The following ALK variants were observed in gnomAD, a reference collection of about 807,000 sequenced individuals.
The protein encoded by ALK is ALK tyrosine kinase receptor.
ALK carries 74 observed loss-of-function variants against 163.1 expected under a neutral mutation model. The ratio of observed to expected loss-of-function variants is 0.45; its 90% CI spans 0.38 to 0.55. The LOEUF (loss-of-function observed/expected upper bound fraction) is 0.55, where lower values mean the gene tolerates loss of function less well. Ranked by LOEUF, ALK falls within the 20% of genes least tolerant of loss-of-function variation. ALK has a pLI of 0.00. For synonymous variants in ALK, 960 were observed against 843.2 expected (o/e 1.14, Z -2.40); for missense variants, 2,063 against 2,105.3 (o/e 0.98, Z 0.39).
At chr2:29,375,873 A>C (rs1321328193) in intron 5 of ALK, among the ~76,000 whole-genome samples, 1 of 152,202 alleles carries the variant, frequency 6.6e-6, no homozygotes, top group Non-Finnish European at 1.5e-5. Flanking sequence ...GAGGAGGAGC[A>C]CTGCCATCTT....
intron 1 of ALK, among the ~76,000 whole-genome samples, chr2:29,816,887 T>G (rs1664912318): frequency 6.6e-6 from 1 of 152,154 alleles, no homozygotes; most frequent in Non-Finnish European, 1.5e-5. Context: ...TGGGAGCTCA[T>G]GAATAAAGGC....
chr2:29,581,795 T>C (rs917273392), intron 3 of ALK, among the ~76,000 whole-genome samples: 2 of 152,194 alleles, frequency 1.3e-5, no homozygotes, highest in Admixed American at 6.5e-5. Context: ...TCTTTCCAAA[T>C]TGGAAAGACT....
chr2:29,209,100 A>G (rs534885337), intron 25 of ALK, among the ~76,000 whole-genome samples: 13 of 149,558 alleles, frequency 8.7e-5, no homozygotes, highest in Non-Finnish European at 1.9e-4. Context: ...GTTAGAAGCC[A>G]TAGCCACTTA....
chr2:29,247,138 C>T (rs989979660), intron 12 of ALK, among the ~76,000 whole-genome samples: 1 of 152,022 alleles, frequency 6.6e-6, no homozygotes, highest in African/African-American at 2.4e-5. Flanking sequence ...CGCGGCAGCG[C>T]CTTTTACCCC....
chr2:29,387,363 G>C (rs1364430526), intron 4 of ALK, among the ~76,000 whole-genome samples: 1 of 152,176 alleles, frequency 6.6e-6, no homozygotes, highest in Admixed American at 6.6e-5. Context: ...ACACGGACCA[G>C]CCATTTTTGC....
chr2:29,246,894 G>A lies in ALK; in HGVS notation c.2204+4211C>T, dbSNP rs891196324. On this transcript the variant is annotated intron_variant, in intron 12 of 28. Transcript: ENST00000389048. The surrounding 1 kb of genome is among the most constrained non-coding windows in gnomAD (Gnocchi z 4.3). ...ACCAGGGGGAGCGAGAGGCCTTTTG[G>A]GGGGTAACACTGCAGCCCCAGGACC... Among the ~76,000 whole-genome samples, 14 of 152,254 alleles carry A rather than the reference G, an allele frequency of 9.2e-5. No homozygotes were observed. In the East Asian group the frequency reaches 2.7e-3, roughly 29 times the overall value.
intron 1 of ALK, among the ~76,000 whole-genome samples, chr2:29,874,104 G>C (rs1423118733): frequency 6.6e-6 from 1 of 152,144 alleles, no homozygotes; most frequent in Admixed American, 6.5e-5. Flanking sequence ...CAATGCACTG[G>C]AATGTATGGA....
At chr2:29,201,607 T>C (rs925025775) in intron 26 of ALK, among the ~76,000 whole-genome samples, 1 of 151,974 alleles carries the variant, frequency 6.6e-6, no homozygotes, top group African/African-American at 2.4e-5. Context: ...GCCAACGTGG[T>C]GAAATCCCGT....
intron 1 of ALK, among the ~76,000 whole-genome samples, chr2:29,785,914 C>T (rs555465040): frequency 0.064 from 114 of 1,794 alleles, no homozygotes; most frequent in African/African-American, 0.071. Context: ...TTTGAGTATA[C>T]ACACACACAC....
intron 24 of ALK, 93 bp from the exon 25 acceptor site, chr2:29,209,971 T>A: frequency 1.0e-6 from 1 of 979,694 alleles, no homozygotes; most frequent in Non-Finnish European, 1.6e-6. Context: ...AGCTGAAGTT[T>A]AAATAGTTCC....
At chr2:29,757,534 A>T (rs1680569915) in intron 1 of ALK, among the ~76,000 whole-genome samples, 1 of 152,110 alleles carries the variant, frequency 6.6e-6, no homozygotes, top group Admixed American at 6.5e-5. Flanking sequence ...ATAAAAAGCA[A>T]GTCATTTTTT....
intron 2 of ALK, among the ~76,000 whole-genome samples, chr2:29,708,924 C>T (rs1678991633): frequency 6.6e-6 from 1 of 152,180 alleles, no homozygotes; most frequent in South Asian, 2.1e-4. Context: ...TGGGCTGGTT[C>T]AAGTCCTGTG....
intron 9 of ALK, among the ~76,000 whole-genome samples, chr2:29,278,860 A>G (rs193060720): frequency 1.1e-4 from 17 of 152,280 alleles, no homozygotes; most frequent in African/African-American, 3.9e-4. Flanking sequence ...TCATCTCCTA[A>G]TCTGTCATTC....
At chr2:29,372,826 A>G (rs1042149910) in intron 5 of ALK, among the ~76,000 whole-genome samples, 6 of 152,208 alleles carry the variant, frequency 3.9e-5, no homozygotes, top group Non-Finnish European at 8.8e-5. Context: ...AGAATAAAAC[A>G]GAGATAGAGG....
chr2:29,447,478 G>A (rs763197843), intron 4 of ALK, among the ~76,000 whole-genome samples: 21 of 152,130 alleles, frequency 1.4e-4, no homozygotes, highest in Non-Finnish European at 2.5e-4. Context: ...AAAAAATCTC[G>A]TGTTTATTAT....
intron 23 of ALK, among the ~76,000 whole-genome samples, chr2:29,217,193 GGT>G (rs1451247492): frequency 6.6e-6 from 1 of 150,560 alleles, no homozygotes; most frequent in African/African-American, 2.4e-5. Context: ...GTACATGTGT[GGT>G]GTTTTGTGTG....
intron 1 of ALK, among the ~76,000 whole-genome samples, chr2:29,787,186 C>T (rs577877859): frequency 2.0e-5 from 3 of 152,078 alleles, no homozygotes; most frequent in East Asian, 1.9e-4. Context: ...ACATCAGGTT[C>T]GATCTAACCC....
chr2:29,653,953 G>A (rs1032745962), intron 3 of ALK, among the ~76,000 whole-genome samples: 2 of 152,126 alleles, frequency 1.3e-5, no homozygotes, highest in African/African-American at 4.8e-5. Flanking sequence ...CAGCTACTCA[G>A]GAGGCTGAGG....
At chr2:29,387,550 C>T (rs750371622) in intron 4 of ALK, among the ~76,000 whole-genome samples, 1 of 152,264 alleles carries the variant, frequency 6.6e-6, no homozygotes, top group South Asian at 2.1e-4. Context: ...TTGGGCAAGT[C>T]CCTGCACCTC....
Sources: gnomAD v4.1 joint callset for allele counts (sites outside exome capture counted in the v4.1 genomes callset) on GRCh38, gnomAD v4.1.1 for gene constraint, Gnocchi (gnomAD v3.1) non-coding constraint, MANE v1.5 for transcripts, NCBI Gene and HGNC (gene_info 2026-07-23, HGNC 2026-07-21) for gene names.